TENM2: variants seen among roughly 807,000 people sequenced by gnomAD.
The protein encoded by TENM2 is teneurin transmembrane protein 2, also known as teneurin-2.
Under a neutral mutation model 245.2 loss-of-function variants are expected in TENM2, and 52 were observed. The observed-to-expected ratio is 0.21, with a 90% CI of 0.17 to 0.27. The LOEUF (loss-of-function observed/expected upper bound fraction) is 0.27, where lower values mean the gene tolerates loss of function less well. Ranked by LOEUF, TENM2 falls within the 10% of genes least tolerant of loss-of-function variation. The pLI is 1.00. For missense variants in TENM2, 3,046 were observed against 3,666.8 expected (o/e 0.83, Z 4.37); for synonymous variants, 1,363 against 1,438.9 (o/e 0.95, Z 1.19).
chr5:167,015,626 T>C, the TENM2 span, among the ~76,000 whole-genome samples: 2 of 152,222 alleles, frequency 1.3e-5, no homozygotes, highest in African/African-American at 4.8e-5. Flanking sequence ...TTCTGTGAAA[T>C]ATTTACAAAT....
chr5:167,074,980 C>T, the TENM2 span, among the ~76,000 whole-genome samples: 10 of 152,082 alleles, frequency 6.6e-5, no homozygotes, highest in African/African-American at 2.4e-4. Flanking sequence ...TGGAAGCATC[C>T]CCTGGTGCCA....
chr5:167,706,619 G>A (rs1025343878), intron 2 of TENM2, among the ~76,000 whole-genome samples: 6 of 152,008 alleles, frequency 3.9e-5, no homozygotes, highest in Non-Finnish European at 7.4e-5. Flanking sequence ...CCCAGAGGTG[G>A]GATTGCTGAA....
chr5:167,025,301 G>A, the TENM2 span, among the ~76,000 whole-genome samples: 1 of 152,058 alleles, frequency 6.6e-6, no homozygotes, highest in Non-Finnish European at 1.5e-5. Context: ...GGAATCCAGT[G>A]TGTATTTACT....
Position 168,088,019 on chromosome 5 carries a change from A to T in TENM2, c.1516-2555A>T, listed in dbSNP as rs1252900791. Among the ~76,000 whole-genome samples the T allele has an allele frequency of 2.6e-5, 4 of 152,294 alleles. No individual in the cohort carries two copies. In the East Asian group the frequency reaches 7.7e-4, roughly 29 times the overall value. ...TTTCCCCTGAAAAATGCCTCTTCTT[A>T]GAGTAATTTACTGGGCTGGACGGTG... On this transcript the variant is annotated intron_variant, in intron 7 of 28. Transcript: ENST00000518659.
At chr5:167,272,956 A>C in the TENM2 span, among the ~76,000 whole-genome samples, 1 of 152,142 alleles carries the variant, frequency 6.6e-6, no homozygotes, top group African/African-American at 2.4e-5. Context: ...ATCCATTTAC[A>C]CACACATACA....
the TENM2 span, among the ~76,000 whole-genome samples, chr5:167,024,796 A>T: frequency 6.6e-6 from 1 of 152,186 alleles, no homozygotes; most frequent in Non-Finnish European, 1.5e-5. Context: ...CCATGCATAT[A>T]TTCCTCTCAG....
At chr5:167,751,514 G>A (rs1291758373) in intron 2 of TENM2, among the ~76,000 whole-genome samples, 2 of 152,168 alleles carry the variant, frequency 1.3e-5, no homozygotes, top group Non-Finnish European at 2.9e-5. Context: ...ATAGTGCCAT[G>A]AGAATTAAGC....
chr5:168,210,695 G>GC (rs1762738993), intron 19 of TENM2, among the ~76,000 whole-genome samples: 1 of 151,714 alleles, frequency 6.6e-6, no homozygotes, highest in Non-Finnish European at 1.5e-5. Context: ...ACTAATGATG[G>GC]CCCCCGGCAG....
At chr5:167,650,296 T>G (rs1754367485) in intron 2 of TENM2, among the ~76,000 whole-genome samples, 2 of 152,212 alleles carry the variant, frequency 1.3e-5, no homozygotes, top group Non-Finnish European at 2.9e-5. Context: ...TCTAATTAGG[T>G]TCTTCACATT....
chr5:168,234,491 A>G (rs1049741554), intron 25 of TENM2, among the ~76,000 whole-genome samples: 9 of 152,176 alleles, frequency 5.9e-5, no homozygotes, highest in African/African-American at 2.2e-4. Context: ...CAAGGTTAAA[A>G]TATAAATATC....
At chr5:167,746,710 A>AGAGCGAGAGC (rs1554109881) in intron 2 of TENM2, among the ~76,000 whole-genome samples, 1 of 144,862 alleles carries the variant, frequency 6.9e-6, no homozygotes, top group African/African-American at 2.6e-5. Flanking sequence ...AGAGAGAGAG[A>AGAGCGAGAGC]GAGAGCTGGA....
intron 7 of TENM2, among the ~76,000 whole-genome samples, chr5:168,072,869 A>G (rs1791142907): frequency 6.6e-6 from 1 of 152,132 alleles, no homozygotes; most frequent in Admixed American, 6.5e-5. Flanking sequence ...CTGCAGGGGG[A>G]ACAGCAAGGA....
At chr5:168,157,462 A>C (rs1245595619) in intron 12 of TENM2, among the ~76,000 whole-genome samples, 1 of 152,160 alleles carries the variant, frequency 6.6e-6, no homozygotes, top group East Asian at 1.9e-4. Context: ...AGGTTTCGAC[A>C]AGCATCTGGA....
At chr5:167,968,306 G>A (rs962120111) in intron 4 of TENM2, among the ~76,000 whole-genome samples, 2 of 152,138 alleles carry the variant, frequency 1.3e-5, no homozygotes, top group Non-Finnish European at 2.9e-5. Context: ...CCTCAAAATC[G>A]TGTATTTTTC....
intron 2 of TENM2, among the ~76,000 whole-genome samples, chr5:167,789,565 T>C (rs1270780630): frequency 1.3e-5 from 2 of 152,240 alleles, no homozygotes; most frequent in African/African-American, 2.4e-5. Context: ...TTGAATGTCC[T>C]GTGCTTAATG....
intron 2 of TENM2, among the ~76,000 whole-genome samples, chr5:167,799,426 A>G (rs1765547070): frequency 1.3e-5 from 2 of 152,070 alleles, no homozygotes; most frequent in South Asian, 2.1e-4. Flanking sequence ...CTTTCTATTT[A>G]TGGCAGATAC....
chr5:167,929,658 A>G (rs572776101), intron 3 of TENM2, among the ~76,000 whole-genome samples: 14 of 152,310 alleles, frequency 9.2e-5, no homozygotes, highest in African/African-American at 3.4e-4. Flanking sequence ...GTCATTTTCC[A>G]GAAAGATTGC....
chr5:167,631,824 ACT>A (rs1240492626), intron 2 of TENM2, among the ~76,000 whole-genome samples: 4 of 151,932 alleles, frequency 2.6e-5, no homozygotes, highest in African/African-American at 9.7e-5. Context: ...CCTGCCACAC[ACT>A]CTCATAAATA....
chr5:167,819,108 CTTCA>C (rs1367540023), intron 2 of TENM2, among the ~76,000 whole-genome samples: 1 of 151,936 alleles, frequency 6.6e-6, no homozygotes, highest in Non-Finnish European at 1.5e-5. Flanking sequence ...TAATGCTACT[CTTCA>C]TTCATTTATT....
Sources: gnomAD v4.1 joint callset for allele counts (sites outside exome capture counted in the v4.1 genomes callset) on GRCh38, gnomAD v4.1.1 for gene constraint, MANE v1.5 for transcripts, NCBI Gene and HGNC (gene_info 2026-07-23, HGNC 2026-07-21) for gene names.